The following ERCC6 variants were observed in gnomAD, a reference collection of about 807,000 sequenced individuals.
ERCC6 encodes the protein DNA excision repair protein ERCC-6.
ERCC6 carries 116 observed loss-of-function variants against 158.7 expected under a neutral mutation model. The observed-to-expected ratio is 0.73, with a 90% CI of 0.63 to 0.85. The LOEUF (loss-of-function observed/expected upper bound fraction) is 0.85, where lower values mean the gene tolerates loss of function less well. Among genes scored for constraint, ERCC6 ranks in the 40% least tolerant of loss-of-function variants. The probability of loss-of-function intolerance (pLI) is 0.00; values close to 1 mark genes in which losing one functional copy is unlikely to be tolerated. For synonymous variants in ERCC6, 678 were observed against 659.3 expected (o/e 1.03, Z -0.43); for missense variants, 1,698 against 1,799.4 (o/e 0.94, Z 1.02).
chr10:49,537,131 G>C (rs1837615973), intron 1 of ERCC6, among the ~76,000 whole-genome samples: 1 of 152,082 alleles, frequency 6.6e-6, no homozygotes, highest in Admixed American at 6.5e-5. Context: ...GGATCACGAG[G>C]TCAGAAGTTC....
At position 49,470,851 on chromosome 10, in the gene ERCC6, T is replaced by C. The variant is rs1850765558; in HGVS notation, c.3109A>G (p.Lys1037Glu). The change falls in exon 18 of 21, where the codon AAA (lysine) becomes GAA (glutamate). Residue 1037 changes from lysine (K) to glutamate (E), a missense_variant. Coordinates refer to ENST00000355832, the MANE Select transcript of ERCC6 (RefSeq NM_000124.4). ...SDVQTPKCHL[K>E]RRIQPAFGAD... ...CCAAAGGCTGGTTGAATCCTTCTTT[T>C]TAGATGGCATTTGGGTGTCTGAACA... is the stretch of plus-strand genomic sequence containing the variant. The C allele has an allele frequency of 6.2e-7, 1 of 1,613,988 alleles. No homozygotes were observed. Among genetic ancestry groups the C allele is most frequent in the African/African-American group, 1.3e-5 (1 of 74,928 alleles).
intron 8 of ERCC6, among the ~76,000 whole-genome samples, chr10:49,492,398 GATT>G (rs1370594810): frequency 2.6e-5 from 4 of 152,134 alleles, no homozygotes; most frequent in African/African-American, 9.7e-5. Flanking sequence ...GAAACTGCGT[GATT>G]ATTATTTATT....
In ERCC6 at chr10:49,482,718, A is replaced by G. The variant is rs1272456791; in HGVS notation, c.2138T>C (p.Met713Thr). 2 of 1,613,792 alleles carry G rather than the reference A, an allele frequency of 1.2e-6. No individual in the cohort carries two copies. Among genetic ancestry groups the G allele is most frequent in the African/African-American group, 2.7e-5 (2 of 74,842 alleles). ...TGGGGAAGCATTTGAATATCCCCCC[A>G]TGGTGATGGGGACGGAGAACTGCTC... ...FMEQFSVPITMGGYSNASPVQ... is the reference protein window; with the variant it reads ...FMEQFSVPITTGGYSNASPVQ... The change falls in exon 10 of 21, where the codon ATG (methionine) becomes ACG (threonine). Residue 713 changes from methionine (M) to threonine (T), a missense_variant. Coordinates refer to ENST00000355832, the MANE Select transcript of ERCC6 (RefSeq NM_000124.4).
chr10:49,534,410 G>A (rs1052212141), intron 1 of ERCC6, among the ~76,000 whole-genome samples: 8 of 152,218 alleles, frequency 5.3e-5, no homozygotes, highest in Non-Finnish European at 5.9e-5. Context: ...GTGCAAGAAT[G>A]TTTAGTGCAG....
rs1359307819 is a variant in ERCC6 at position 49,457,667 on chromosome 10, C to T, written c.*1148G>A. Reference sequence around the variant, plus strand: ...AGAGAATACAAATCCAAGAAACAAACTGCACTAAGACAGCTAAGAAGAAAT... The same window carrying T: ...AGAGAATACAAATCCAAGAAACAAATTGCACTAAGACAGCTAAGAAGAAAT... On this transcript the variant is annotated 3_prime_UTR_variant, in exon 21 of 21. Transcript: ENST00000355832. 1 of 152,216 alleles carries T rather than the reference C, an allele frequency of 6.6e-6. No individual in the cohort carries two copies. 9.4% of individuals were successfully genotyped at this position (152,216 alleles called of 1,614,324 possible).
rs1850526265 is a variant in ERCC6 at position 49,458,902 on chromosome 10, G to A, written c.4395C>T (p.Val1465=). 1 of 1,614,236 alleles carries A rather than the reference G, an allele frequency of 6.2e-7. No individual in the cohort carries two copies. The highest frequency in any genetic ancestry group is 2.2e-5 in the East Asian group (1 of 44,890). ...ESKLSASQSC[V]FRELLRNLCT... ...ACAGATTTCTCAATAGTTCTCGGAA[G>A]ACACAAGACTGTGATGCAGATAACT... The change falls in exon 21 of 21, where the codon GTC becomes GTT. Residue 1465 remains valine, a synonymous_variant. Coordinates refer to ENST00000355832, the MANE Select transcript of ERCC6 (RefSeq NM_000124.4).
At chr10:49,462,520 G>A (rs1055489184) in intron 18 of ERCC6, among the ~76,000 whole-genome samples, 1 of 151,582 alleles carries the variant, frequency 6.6e-6, no homozygotes, top group African/African-American at 2.4e-5. Context: ...TGTTTCATAG[G>A]AAAAAAATCA....
intron 1 of ERCC6, among the ~76,000 whole-genome samples, chr10:49,533,933 A>G (rs1434693924): frequency 6.6e-6 from 1 of 152,076 alleles, no homozygotes; most frequent in Non-Finnish European, 1.5e-5. Flanking sequence ...CAGGTGTTTG[A>G]GACCAGCCTG....
At chr10:49,498,384 AT>A (rs1222665014) in intron 7 of ERCC6, among the ~76,000 whole-genome samples, 1 of 152,180 alleles carries the variant, frequency 6.6e-6, no homozygotes, top group Non-Finnish European at 1.5e-5. Flanking sequence ...CTTAAGAGCT[AT>A]TTTTCTGTAA....
intron 7 of ERCC6, among the ~76,000 whole-genome samples, chr10:49,500,221 T>A (rs960816059): frequency 6.6e-6 from 1 of 152,208 alleles, no homozygotes; most frequent in African/African-American, 2.4e-5. Flanking sequence ...GATATTAACA[T>A]AATTGAGTTT....
At chr10:49,497,088 G>T (rs1034161252) in intron 7 of ERCC6, among the ~76,000 whole-genome samples, 7 of 152,152 alleles carry the variant, frequency 4.6e-5, no homozygotes, top group African/African-American at 1.7e-4. Flanking sequence ...CAGACTACAA[G>T]AAGCCAGAGG....
At chr10:49,514,779 T>G (rs4253079) in intron 5 of ERCC6, among the ~76,000 whole-genome samples, 12,925 of 152,280 alleles carry the variant, frequency 0.085, 688 homozygotes, top group South Asian at 0.2. Flanking sequence ...TTAATATAGT[T>G]TGCATTCTGT....
chr10:49,516,181 G>A, intron 5 of ERCC6: 1 of 1,614,120 alleles, frequency 6.2e-7, no homozygotes, highest in African/African-American at 1.3e-5. Flanking sequence ...CCCTGATACG[G>A]CTGAAACCAG....
rs1225936444 is a variant in ERCC6, at chr10:49,471,064, C to T, written c.2981G>A (p.Arg994Gln). 5.6e-6 allele frequency: 9 copies of T among 1,613,794 alleles called. No individual in the cohort carries two copies. The highest frequency in any genetic ancestry group is 4.5e-5 in the East Asian group (2 of 44,854). ...ATAGAGATCATTGGATTTGAAAAAC[C>T]GCCTTTGTTTTGGGTCTTTTAGCAC... ...NRVLKDPKQR[R>Q]FFKSNDLYEL... The change falls in exon 17 of 21, where the codon CGG (arginine) becomes CAG (glutamine). Residue 994 changes from arginine to glutamine, a missense_variant. Physicochemically the swap from Arg to Gln is conservative, Grantham distance 43. Transcript: ENST00000355832.
chr10:49,442,835 A>G, the ERCC6 span, among the ~76,000 whole-genome samples: 3 of 152,166 alleles, frequency 2.0e-5, no homozygotes, highest in East Asian at 5.8e-4. Context: ...AGTGAAAAAT[A>G]TTTTCTATTT....
At chr10:49,444,168 C>T in the ERCC6 span, among the ~76,000 whole-genome samples, 1 of 152,160 alleles carries the variant, frequency 6.6e-6, no homozygotes, top group Non-Finnish European at 1.5e-5. Flanking sequence ...TCTACCCCTG[C>T]CCCAGACATT....
chr10:49,526,391 T>C (rs1305593919), intron 4 of ERCC6, among the ~76,000 whole-genome samples: 3 of 151,968 alleles, frequency 2.0e-5, no homozygotes, highest in African/African-American at 7.2e-5. Flanking sequence ...GCCTTTTTTG[T>C]GTAGGAAGTG....
At position 49,524,649 on chromosome 10, in the gene ERCC6, T is replaced by C; in HGVS notation, c.781A>G (p.Arg261Gly). Residue 261 changes from arginine to glycine, a missense_variant, in exon 5 of 21, where the codon AGA becomes GGA. Arg to Gly is a moderately radical substitution (Grantham distance 125). Coordinates refer to ENST00000355832, the MANE Select transcript of ERCC6 (RefSeq NM_000124.4). ...QIPQKQEKKPRKIMLNEASGF... is the reference protein window; with the variant it reads ...QIPQKQEKKPGKIMLNEASGF... Reference sequence around the variant, plus strand: ...GATGCTTCATTAAGCATGATTTTTCTGGGCTTTTTCTCCTGTTTCTGAGGG... The same window carrying C: ...GATGCTTCATTAAGCATGATTTTTCCGGGCTTTTTCTCCTGTTTCTGAGGG... 1.2e-6 allele frequency: 2 copies of C among 1,614,186 alleles called. No individual in the cohort carries two copies. Among genetic ancestry groups the C allele is most frequent in the South Asian group, 1.1e-5 (1 of 91,084 alleles).
chr10:49,436,054 A>C, the ERCC6 span, among the ~76,000 whole-genome samples: 29 of 152,048 alleles, frequency 1.9e-4, no homozygotes, highest in Non-Finnish European at 3.2e-4. Flanking sequence ...AAAACTATGA[A>C]ACAAGGATCT....
Sources: gnomAD v4.1 joint callset for allele counts (sites outside exome capture counted in the v4.1 genomes callset) on GRCh38, gnomAD v4.1.1 for gene constraint, MANE v1.5 for transcripts, NCBI Gene and HGNC (gene_info 2026-07-23, HGNC 2026-07-21) for gene names.